Variants in ACYP2 observed in about 807,000 individuals in gnomAD.
The protein encoded by ACYP2 is acylphosphatase 2.
In ACYP2, 12 loss-of-function variants were observed where a neutral mutation model predicts 11.2. That is an observed-to-expected ratio of 1.08 (90% CI 0.69 to 1.74). ACYP2 has a LOEUF of 1.74. Ranked by LOEUF, ACYP2 falls within the 40% of genes most tolerant of loss-of-function variation. ACYP2 has a pLI of 0.00. For synonymous variants in ACYP2, 43 were observed against 32.2 expected (o/e 1.33, Z -1.13); for missense variants, 134 against 101.9 (o/e 1.31, Z -1.35).
chr2:54,209,695 G>A (rs1023138453), intron 6 of ACYP2, among the ~76,000 whole-genome samples: 3 of 152,138 alleles, frequency 2.0e-5, no homozygotes, highest in Non-Finnish European at 4.4e-5. Context: ...TTACAATTCA[G>A]TATAGAGACT....
At chr2:53,980,524 C>T (rs575338599) in intron 2 of ACYP2, among the ~76,000 whole-genome samples, 1 of 152,070 alleles carries the variant, frequency 6.6e-6, no homozygotes, top group South Asian at 2.1e-4. Context: ...CAAGATCAGG[C>T]TGGGCAACGT....
chr2:54,077,308 A>G (rs1279157925), intron 4 of ACYP2, among the ~76,000 whole-genome samples: 1 of 152,218 alleles, frequency 6.6e-6, no homozygotes, highest in East Asian at 1.9e-4. Context: ...CTCTACCACT[A>G]TAAGCTCCTT....
chr2:54,139,148 C>G (rs1431977781), intron 6 of ACYP2, among the ~76,000 whole-genome samples: 1 of 152,176 alleles, frequency 6.6e-6, no homozygotes, highest in Non-Finnish European at 1.5e-5. Context: ...TGTGGCTTCC[C>G]TCTCCAATTT....
chr2:54,005,812 C>T (rs1435379777), intron 2 of ACYP2, among the ~76,000 whole-genome samples: 1 of 152,152 alleles, frequency 6.6e-6, no homozygotes, highest in African/African-American at 2.4e-5. Context: ...TATCCTAGGT[C>T]TTTTGCCTTT....
chr2:54,062,230 A>G (rs1274650139), intron 4 of ACYP2, among the ~76,000 whole-genome samples: 2 of 152,180 alleles, frequency 1.3e-5, no homozygotes, highest in Admixed American at 1.3e-4. Flanking sequence ...GACCTGGGGT[A>G]GAGCTTGGGC....
chr2:53,994,015 C>G (rs541811365), intron 2 of ACYP2, among the ~76,000 whole-genome samples: 2 of 152,134 alleles, frequency 1.3e-5, no homozygotes, highest in Non-Finnish European at 2.9e-5. Flanking sequence ...GAAACCCCGT[C>G]TCTACTAAAA....
chr2:54,224,816 C>T (rs756708313), intron 6 of ACYP2, among the ~76,000 whole-genome samples: 2 of 152,176 alleles, frequency 1.3e-5, no homozygotes, highest in Non-Finnish European at 2.9e-5. Context: ...GTCTGCCCTC[C>T]CTACCTTAAA....
intron 2 of ACYP2, among the ~76,000 whole-genome samples, chr2:54,038,740 T>A (rs1358411509): frequency 1.8e-5 from 2 of 112,416 alleles, no homozygotes; most frequent in African/African-American, 3.5e-5. Context: ...GATACAGCAA[T>A]GAAAAAAGAT....
chr2:54,037,311 C>G (rs549286793), intron 2 of ACYP2, among the ~76,000 whole-genome samples: 3 of 152,150 alleles, frequency 2.0e-5, no homozygotes, highest in African/African-American at 7.2e-5. Flanking sequence ...GACGGAGTTT[C>G]ACCATGTTCC....
intron 6 of ACYP2, among the ~76,000 whole-genome samples, chr2:54,140,470 C>T (rs375353135): frequency 6.3e-4 from 96 of 152,008 alleles, no homozygotes; most frequent in African/African-American, 2.1e-3. Context: ...CTTAAGTAAC[C>T]TGTGTTAGCA....
At chr2:54,164,466 T>A (rs1682866494) in intron 6 of ACYP2, among the ~76,000 whole-genome samples, 1 of 152,146 alleles carries the variant, frequency 6.6e-6, no homozygotes, top group Non-Finnish European at 1.5e-5. Context: ...AATGACAGAC[T>A]GGAGGCTGAA....
chr2:54,025,669 T>G (rs1024762284), intron 2 of ACYP2, among the ~76,000 whole-genome samples: 7 of 152,200 alleles, frequency 4.6e-5, no homozygotes, highest in Admixed American at 3.3e-4. Context: ...TGTCTTAGTC[T>G]GAGACATCGA....
intron 6 of ACYP2, among the ~76,000 whole-genome samples, chr2:54,239,958 T>C (rs193075443): frequency 2.4e-3 from 360 of 152,336 alleles, no homozygotes; most frequent in Non-Finnish European, 4.0e-3. Flanking sequence ...AAATTTAAAG[T>C]ATTTATAACA....
At chr2:54,257,993 C>G (rs1175029830) in intron 6 of ACYP2, among the ~76,000 whole-genome samples, 3 of 152,132 alleles carry the variant, frequency 2.0e-5, no homozygotes, top group Admixed American at 6.5e-5. Flanking sequence ...ATTAAACATT[C>G]AACAAATATT....
At position 54,236,359 on chromosome 2, in the gene ACYP2, G is replaced by A. The variant is rs116767151; in HGVS notation, c.405-68329G>A. On this transcript the variant is annotated intron_variant, in intron 6 of 6. Transcript: ENST00000607452. ...AATTTGGGGGCCATAAACTTTACTCGTAGAATAGTTTTAATGGTGCACCTC... is the reference window on the plus strand; with the variant it reads ...AATTTGGGGGCCATAAACTTTACTCATAGAATAGTTTTAATGGTGCACCTC... Among the ~76,000 whole-genome samples the A allele has an allele frequency of 7.8e-3, 1,182 of 152,136 alleles. 16 individuals are homozygous for A. Among genetic ancestry groups the A allele is most frequent in the African/African-American group, 0.027 (1,135 of 41,512 alleles).
At chr2:54,194,533 T>C (rs1050592407) in intron 6 of ACYP2, among the ~76,000 whole-genome samples, 2 of 152,186 alleles carry the variant, frequency 1.3e-5, no homozygotes, top group Non-Finnish European at 2.9e-5. Context: ...TTATTTTTCT[T>C]TTATCAGGAA....
chr2:54,032,379 G>T (rs1455544605), intron 2 of ACYP2, among the ~76,000 whole-genome samples: 4 of 152,154 alleles, frequency 2.6e-5, no homozygotes, highest in Non-Finnish European at 5.9e-5. Flanking sequence ...TTGTTAAATA[G>T]GGAATCCTTC....
chr2:54,293,374 C>G (rs1438108803), intron 6 of ACYP2, among the ~76,000 whole-genome samples: 2 of 152,242 alleles, frequency 1.3e-5, no homozygotes, highest in Non-Finnish European at 2.9e-5. Context: ...TCTGCCTTCT[C>G]TACTCCTAGG....
chr2:54,009,012 G>A (rs567989739), intron 2 of ACYP2, among the ~76,000 whole-genome samples: 164 of 151,536 alleles, frequency 1.1e-3, no homozygotes, highest in Middle Eastern at 3.5e-3. Flanking sequence ...AATTAGCCGG[G>A]AGTGGTGGCG....
Sources: allele counts gnomAD v4.1 joint callset (sites outside exome capture counted in the v4.1 genomes callset), GRCh38; gene constraint gnomAD v4.1.1; transcripts MANE v1.5; gene names NCBI Gene and HGNC (gene_info 2026-07-23, HGNC 2026-07-21).